The following HTT variants were observed in gnomAD, a reference collection of about 807,000 sequenced individuals.
HTT encodes the protein huntingtin.
In HTT, 104 loss-of-function variants were observed where a neutral mutation model predicts 362.3. The ratio of observed to expected loss-of-function variants is 0.29; its 90% CI spans 0.24 to 0.34. The LOEUF is 0.34. HTT is among the 10% of genes least tolerant of loss of function. The probability of loss-of-function intolerance (pLI) is 1.00; values close to 1 mark genes in which losing one functional copy is unlikely to be tolerated. For missense variants in HTT, 3,301 were observed against 3,928.6 expected, an observed-to-expected ratio of 0.84 and a Z score of 4.27; for synonymous variants, 1,577 against 1,548.7, an observed-to-expected ratio of 1.02 and a Z score of -0.43.
chr4:3,093,905 GTTTT>G (rs67455911), intron 2 of HTT, among the ~76,000 whole-genome samples: 3 of 23,898 alleles, frequency 1.3e-4, no homozygotes, highest in African/African-American at 3.0e-4. Flanking sequence ...CTTTAAGTTG[GTTTT>G]TTTTTTTTTT....
intron 66 of HTT, among the ~76,000 whole-genome samples, chr4:3,239,458 A>G (rs1183500590): frequency 1.3e-5 from 2 of 152,226 alleles, no homozygotes; most frequent in African/African-American, 4.8e-5. Flanking sequence ...ACAGACCACA[A>G]GAGCCTCCAA....
intron 64 of HTT, among the ~76,000 whole-genome samples, chr4:3,237,119 G>C (rs964026766): frequency 1.3e-5 from 2 of 151,934 alleles, no homozygotes; most frequent in Admixed American, 6.6e-5. Context: ...TGTCACCCAG[G>C]CTGGAGTGCA....
At chr4:3,133,685 T>C (rs1715932613) in intron 18 of HTT, among the ~76,000 whole-genome samples, 1 of 152,222 alleles carries the variant, frequency 6.6e-6, no homozygotes, top group South Asian at 2.1e-4. Context: ...AACTGGCTCA[T>C]AAGTCACAAC....
intron 60 of HTT, 112 bp from the exon 61 acceptor site, chr4:3,233,051 A>C (rs1721337140): frequency 1.2e-6 from 1 of 835,924 alleles, no homozygotes; most frequent in African/African-American, 1.7e-5. Flanking sequence ...CCTGCTGTGT[A>C]GTCTCTTCTG....
Position 3,199,791 on chromosome 4 carries a change from G to A in HTT, c.5428G>A (p.Gly1810Ser), listed in dbSNP as rs1219745342. The change falls in exon 41 of 67, where the codon GGC (glycine) becomes AGC (serine). Residue 1810 changes from glycine (G) to serine (S), a missense_variant. By Grantham distance (56) the Gly-to-Ser change is moderately conservative (BLOSUM62 0). Transcript: ENST00000355072. ...GCTGTTCCGCAGTGATGGCTGTGGC[G>A]GCAGTTTCTACACCCTGGACAGCTT... ...TRLFRSDGCGGSFYTLDSLNL... is the reference protein window; with the variant it reads ...TRLFRSDGCGSSFYTLDSLNL... The A allele has an allele frequency of 8.1e-6, 13 of 1,614,024 alleles. No individual in the cohort carries two copies. The highest frequency in any genetic ancestry group is 1.3e-5 in the African/African-American group (1 of 74,910).
chr4:3,182,594 G>A (rs189405983), intron 37 of HTT, 124 bp downstream of exon 37: 156 of 687,852 alleles, frequency 2.3e-4, no homozygotes, highest in Admixed American at 5.6e-4. Flanking sequence ...GCAGTTCTCC[G>A]TGCTAGTCAT....
chr4:3,221,862 A>G (rs2110287209), intron 53 of HTT, among the ~76,000 whole-genome samples: 1 of 152,368 alleles, frequency 6.6e-6, no homozygotes, highest in East Asian at 1.9e-4. Flanking sequence ...AGGAACCATT[A>G]CTTTGACTTT....
chr4:3,148,240 G>A, intron 26 of HTT, 33 bp downstream of exon 26: 1 of 1,462,562 alleles, frequency 6.8e-7, no homozygotes. Flanking sequence ...GATTCATACA[G>A]CCTTAATGAC....
chr4:3,126,161 T>A (rs57473171), intron 11 of HTT, among the ~76,000 whole-genome samples: 1,929 of 152,316 alleles, frequency 0.013, 51 homozygotes, highest in African/African-American at 0.044. Flanking sequence ...CCAGCGATTC[T>A]CCTGCCTCAG....
intron 15 of HTT, 116 bp from the exon 16 acceptor site, chr4:3,131,522 C>T (rs1163602269): frequency 6.6e-7 from 1 of 1,523,996 alleles, no homozygotes; most frequent in African/African-American, 1.4e-5. Flanking sequence ...TTGGTTTTCA[C>T]TAGCCGAGGG....
chr4:3,208,839 C>T lies in HTT; in HGVS notation c.6219C>T (p.Pro2073=). Residue 2073 remains proline (P), a synonymous_variant, in exon 46 of 67, where the codon CCC becomes CCT. Coordinates refer to ENST00000355072, the MANE Select transcript of HTT (RefSeq NM_001388492.1). The part of the protein sequence containing the change: ...RLSTMQDSLS[P]SPPVSSHPLD... ...CCACCATGCAAGACTCACTTAGTCC[C>T]TCTCCTCCAGTCTCTTCCCACCCGC... is the stretch of plus-strand genomic sequence containing the variant. The T allele has an allele frequency of 1.2e-6, 2 of 1,614,136 alleles. No homozygotes were observed. The highest frequency in any genetic ancestry group is 1.7e-6 in the Non-Finnish European group (2 of 1,179,984).
intron 2 of HTT, among the ~76,000 whole-genome samples, chr4:3,093,428 T>G (rs1713623736): frequency 6.6e-6 from 1 of 152,218 alleles, no homozygotes; most frequent in Non-Finnish European, 1.5e-5. Flanking sequence ...CACGTAGAAG[T>G]GAATTGTATG....
chr4:3,086,851 A>G (rs1713234521), intron 1 of HTT, 88 bp from the exon 2 acceptor site: 11 of 713,790 alleles, frequency 1.5e-5, no homozygotes. Context: ...TAGTCGAGAA[A>G]CACTCACTGA....
intron 18 of HTT, 56 bp downstream of exon 18, chr4:3,132,967 C>A: frequency 7.8e-7 from 1 of 1,280,124 alleles, no homozygotes; most frequent in Non-Finnish European, 1.1e-6. Flanking sequence ...TTTATCATTG[C>A]TACAATTAAA....
chr4:3,177,458 T>G, intron 34 of HTT, 71 bp downstream of exon 34: 1 of 1,037,484 alleles, frequency 9.6e-7, no homozygotes, highest in Non-Finnish European at 1.4e-6. Flanking sequence ...GGTTATTAAG[T>G]GAATGTTTAA....
rs1204332702 is a variant in HTT at position 3,115,312 on chromosome 4, A to G, written c.756A>G (p.Leu252=). The G allele has an allele frequency of 2.5e-6, 4 of 1,613,806 alleles. No individual in the cohort carries two copies. In the African/African-American group the frequency reaches 4.0e-5, roughly 16 times the overall value. The change falls in exon 7 of 67, where the codon TTA becomes TTG. Residue 252 remains leucine (L), a synonymous_variant. Coordinates refer to ENST00000355072, the MANE Select transcript of HTT (RefSeq NM_001388492.1). The part of the protein sequence containing the change: ...FANDNEIKVL[L]KAFIANLKSS... Reference sequence around the variant, plus strand: ...GACTTTTGCTTCCGTAGGTTTTGTTAAAGGCCTTCATAGCGAACCTGAAGT... The same window carrying G: ...GACTTTTGCTTCCGTAGGTTTTGTTGAAGGCCTTCATAGCGAACCTGAAGT...
intron 47 of HTT, 106 bp downstream of exon 47, chr4:3,210,055 G>A: frequency 7.1e-7 from 1 of 1,410,288 alleles, no homozygotes; most frequent in Non-Finnish European, 9.8e-7. Context: ...CACATGTTGG[G>A]GACTCCAGTC....
At chr4:3,120,325 C>T (rs1317099532) in intron 8 of HTT, among the ~76,000 whole-genome samples, 1 of 152,060 alleles carries the variant, frequency 6.6e-6, no homozygotes, top group Non-Finnish European at 1.5e-5. Flanking sequence ...TGTTTGTTTA[C>T]AGTTTAAATT....
chr4:3,235,462 C>T (rs1164496038), intron 62 of HTT, 64 bp downstream of exon 62: 4 of 1,499,836 alleles, frequency 2.7e-6, no homozygotes, highest in Admixed American at 3.4e-5. Flanking sequence ...CTTTTCCTTG[C>T]AGGATCATAC....
Sources: gnomAD v4.1 joint callset for allele counts (sites outside exome capture counted in the v4.1 genomes callset) on GRCh38, gnomAD v4.1.1 for gene constraint, MANE v1.5 for transcripts, NCBI Gene and HGNC (gene_info 2026-07-23, HGNC 2026-07-21) for gene names.